The following FHIT variants were observed in gnomAD, a reference collection of about 807,000 sequenced individuals.
The protein encoded by FHIT is fragile histidine triad diadenosine triphosphatase, also known as bis(5'-adenosyl)-triphosphatase.
In FHIT, 19 loss-of-function variants were observed where a neutral mutation model predicts 17.9. That is an observed-to-expected ratio of 1.06 (90% confidence interval 0.74 to 1.56). The LOEUF is 1.56. Ranked by LOEUF, FHIT falls within the 40% of genes most tolerant of loss-of-function variation. The pLI is 0.00. For synonymous variants in FHIT, 81 were observed against 69.7 expected, an observed-to-expected ratio of 1.16 and a Z score of -0.81; for missense variants, 248 against 189.2, an observed-to-expected ratio of 1.31 and a Z score of -1.82.
chr3:60,279,798 G>C (rs1047158554), intron 5 of FHIT, among the ~76,000 whole-genome samples: 1 of 152,026 alleles, frequency 6.6e-6, no homozygotes, highest in Non-Finnish European at 1.5e-5. Flanking sequence ...TTGGGAGGCC[G>C]AGACGGGCAG....
chr3:59,932,790 T>C (rs764033654), intron 7 of FHIT, among the ~76,000 whole-genome samples: 3 of 152,206 alleles, frequency 2.0e-5, no homozygotes, highest in African/African-American at 7.2e-5. Context: ...TCTTCCATTT[T>C]CCTTTACTAA....
At chr3:60,689,014 G>C (rs572210836) in intron 4 of FHIT, among the ~76,000 whole-genome samples, 1 of 152,222 alleles carries the variant, frequency 6.6e-6, no homozygotes, top group South Asian at 2.1e-4. Flanking sequence ...TTGTGTTGTA[G>C]GAGGGACTTG....
intron 5 of FHIT, among the ~76,000 whole-genome samples, chr3:60,069,092 A>G (rs983515803): frequency 3.9e-5 from 6 of 151,966 alleles, no homozygotes; most frequent in East Asian, 1.9e-4. Context: ...ATAGAAAAAT[A>G]TAATATGATC....
intron 8 of FHIT, among the ~76,000 whole-genome samples, chr3:59,781,298 T>C (rs1048475820): frequency 6.6e-6 from 1 of 152,228 alleles, no homozygotes; most frequent in African/African-American, 2.4e-5. Context: ...AGAAAGGCTA[T>C]GGCACTTGAC....
At chr3:60,092,987 C>T (rs972326797) in intron 5 of FHIT, among the ~76,000 whole-genome samples, 2 of 152,140 alleles carry the variant, frequency 1.3e-5, no homozygotes, top group Non-Finnish European at 2.9e-5. Flanking sequence ...AGAAAAATTC[C>T]ACTTCATGCT....
chr3:60,835,034 T>C (rs1702484783), intron 3 of FHIT, among the ~76,000 whole-genome samples: 1 of 152,170 alleles, frequency 6.6e-6, no homozygotes. Flanking sequence ...ATTCCAAAGA[T>C]TTTTCTCTAA....
At chr3:59,790,668 T>C (rs910639597) in intron 8 of FHIT, among the ~76,000 whole-genome samples, 1 of 152,174 alleles carries the variant, frequency 6.6e-6, no homozygotes, top group African/African-American at 2.4e-5. Context: ...GTAACCCTAC[T>C]ATAATGCTCT....
chr3:60,307,907 G>A (rs1252170648), intron 5 of FHIT, among the ~76,000 whole-genome samples: 4 of 152,102 alleles, frequency 2.6e-5, no homozygotes, highest in African/African-American at 9.7e-5. Flanking sequence ...GATAATTGTT[G>A]CTAATGATGC....
At chr3:61,019,291 T>C (rs1478691677) in intron 3 of FHIT, among the ~76,000 whole-genome samples, 1 of 152,190 alleles carries the variant, frequency 6.6e-6, no homozygotes, top group Non-Finnish European at 1.5e-5. Flanking sequence ...ATTATATTAG[T>C]CGGGTTTAAA....
At chr3:60,005,318 T>C (rs376294395) in intron 7 of FHIT, among the ~76,000 whole-genome samples, 3,725 of 30,384 alleles carry the variant, frequency 0.12, 145 homozygotes, top group African/African-American at 0.28. Context: ...AAAAACTCAA[T>C]GATTTGTATC....
At chr3:59,883,314 ACACCTGAGAC>A (rs1703484270) in intron 8 of FHIT, among the ~76,000 whole-genome samples, 1 of 152,198 alleles carries the variant, frequency 6.6e-6, no homozygotes, top group African/African-American at 2.4e-5. Context: ...TGATAAAGAC[ACACCTGAGAC>A]TGGGTACTTT....
chr3:61,089,721 TG>T (rs2035421043), intron 2 of FHIT, among the ~76,000 whole-genome samples: 1 of 152,162 alleles, frequency 6.6e-6, no homozygotes, highest in Non-Finnish European at 1.5e-5. Flanking sequence ...ACTCATTGTG[TG>T]TAAAGAGACT....
chr3:60,115,731 AG>A (rs1284537480), intron 5 of FHIT, among the ~76,000 whole-genome samples: 7 of 152,206 alleles, frequency 4.6e-5, no homozygotes, highest in African/African-American at 1.7e-4. Context: ...AAAGACATTA[AG>A]AAATCAGGTT....
chr3:60,321,560 C>G (rs563726640), intron 5 of FHIT, among the ~76,000 whole-genome samples: 1 of 152,146 alleles, frequency 6.6e-6, no homozygotes, highest in Admixed American at 6.5e-5. Context: ...GGTTACAAAA[C>G]TTGCACAAGA....
At chr3:60,876,707 T>A (rs1290075963) in intron 3 of FHIT, among the ~76,000 whole-genome samples, 1 of 152,186 alleles carries the variant, frequency 6.6e-6, no homozygotes, top group Non-Finnish European at 1.5e-5. Flanking sequence ...TTTTCAAACT[T>A]AAGTTTAGGG....
intron 5 of FHIT, among the ~76,000 whole-genome samples, chr3:60,251,799 G>A (rs573041304): frequency 5.9e-5 from 9 of 152,230 alleles, no homozygotes; most frequent in African/African-American, 1.9e-4. Context: ...AATCTTGCTT[G>A]TAAGTCAAAG....
intron 5 of FHIT, among the ~76,000 whole-genome samples, chr3:60,362,231 T>TA (rs1699935159): frequency 1.3e-5 from 2 of 152,276 alleles, no homozygotes; most frequent in South Asian, 4.2e-4. Flanking sequence ...TCTACTTCCT[T>TA]AAAAAAATCC....
At chr3:60,204,453 T>TG (rs148487698) in intron 5 of FHIT, among the ~76,000 whole-genome samples, 45,953 of 141,150 alleles carry the variant, frequency 0.33, 7,348 homozygotes, top group East Asian at 0.53. Context: ...GGTTTTTTTT[T>TG]TTTTGTTTTG....
At chr3:60,919,779 T>C (rs1707185167) in intron 3 of FHIT, among the ~76,000 whole-genome samples, 1 of 152,188 alleles carries the variant, frequency 6.6e-6, no homozygotes. Context: ...CTCATGCTTG[T>C]AATCCCAGCA....
Sources: gnomAD v4.1 joint callset for allele counts (sites outside exome capture counted in the v4.1 genomes callset) on GRCh38, gnomAD v4.1.1 for gene constraint, MANE v1.5 for transcripts, NCBI Gene and HGNC (gene_info 2026-07-23, HGNC 2026-07-21) for gene names.